RAB1A: variants seen among roughly 807,000 people sequenced by gnomAD.
RAB1A encodes ras-related protein Rab-1A.
In RAB1A, 2 loss-of-function variants were observed where a neutral mutation model predicts 26.0. The ratio of observed to expected loss-of-function variants is 0.08; its 90% confidence interval spans 0.03 to 0.24. The LOEUF is 0.24. RAB1A is among the 10% of genes least tolerant of loss of function. The pLI is 1.00. For missense variants in RAB1A, 100 were observed against 247.0 expected (o/e 0.40, Z 3.99); for synonymous variants, 84 against 84.9 (o/e 0.99, Z 0.06).
intron 1 of RAB1A, among the ~76,000 whole-genome samples, chr2:65,127,223 A>G (rs1040323896): frequency 7.2e-5 from 11 of 152,150 alleles, no homozygotes; most frequent in African/African-American, 2.7e-4. Flanking sequence ...GTCATTTATG[A>G]GCCATTCCTC....
At chr2:65,127,900 A>AT (rs1670138407) in intron 1 of RAB1A, among the ~76,000 whole-genome samples, 1 of 151,760 alleles carries the variant, frequency 6.6e-6, no homozygotes. Flanking sequence ...CGCCCGGCTA[A>AT]TTTTTTTGCA....
At chr2:65,103,298 T>TAAAAAAAAAAAA (rs1453771514) in intron 2 of RAB1A, among the ~76,000 whole-genome samples, 2 of 6,702 alleles carry the variant, frequency 3.0e-4, no homozygotes, top group African/African-American at 1.2e-3. Context: ...AGAATCTGTC[T>TAAAAAAAAAAAA]CAAAAAAAAA....
intron 1 of RAB1A, chr2:65,105,393 T>G (rs2103849892): frequency 6.0e-6 from 1 of 167,434 alleles, no homozygotes; most frequent in East Asian, 1.9e-4. Flanking sequence ...TAATCCCAGC[T>G]ACCTGGTAGG....
chr2:65,103,166 A>G (rs576660879), intron 2 of RAB1A, among the ~76,000 whole-genome samples: 2 of 151,648 alleles, frequency 1.3e-5, no homozygotes, highest in East Asian at 3.9e-4. Flanking sequence ...AAAATACAAA[A>G]ATCAGCCAGG....
intron 2 of RAB1A, among the ~76,000 whole-genome samples, chr2:65,100,393 T>C (rs551528179): frequency 1.6e-4 from 21 of 128,158 alleles, no homozygotes; most frequent in African/African-American, 6.5e-4. Flanking sequence ...AAGGCATGTC[T>C]CTGTCTCAAA....
At chr2:65,115,754 A>T (rs184239363) in intron 1 of RAB1A, among the ~76,000 whole-genome samples, 3 of 152,306 alleles carry the variant, frequency 2.0e-5, no homozygotes, top group Admixed American at 2.0e-4. Flanking sequence ...CTTAAAAAAA[A>T]TTGTTCCCAT....
intron 3 of RAB1A, among the ~76,000 whole-genome samples, chr2:65,092,866 C>T (rs954352090): frequency 2.6e-4 from 39 of 152,094 alleles, no homozygotes; most frequent in African/African-American, 8.9e-4. Flanking sequence ...CGACGGTTTC[C>T]CCCATTCAAG....
At chr2:65,114,597 ACTTT>A (rs1265071034) in intron 1 of RAB1A, among the ~76,000 whole-genome samples, 36 of 151,684 alleles carry the variant, frequency 2.4e-4, no homozygotes, top group Non-Finnish European at 7.4e-5. Context: ...TAATCCCAGC[ACTTT>A]GGGAGGCCGA....
In RAB1A at chr2:65,104,773, G is replaced by A; in HGVS notation, c.57C>T (p.Asp19=). Residue 19 remains aspartate, a synonymous_variant, in exon 2 of 6, where the codon GAC becomes GAT. Coordinates refer to ENST00000409784, the MANE Select transcript of RAB1A (RefSeq NM_004161.5). ...GAAGGCAAGACTTTCCAACCCCTGA[G>A]TCGCCAATCAGAAGTAACTTGAATA... The part of the protein sequence containing the change: ...DYLFKLLLIG[D]SGVGKSCLLL... 1 of 1,605,942 alleles carries A rather than the reference G, an allele frequency of 6.2e-7. No homozygotes were observed. The highest frequency in any genetic ancestry group is 2.2e-5 in the East Asian group (1 of 44,714).
intron 1 of RAB1A, among the ~76,000 whole-genome samples, chr2:65,120,295 T>C (rs994278501): frequency 3.3e-5 from 5 of 151,440 alleles, no homozygotes; most frequent in Admixed American, 3.3e-4. Flanking sequence ...GTCTTTACTA[T>C]AAATACAAAA....
At chr2:65,114,779 A>G (rs1282707843) in intron 1 of RAB1A, among the ~76,000 whole-genome samples, 2 of 151,614 alleles carry the variant, frequency 1.3e-5, no homozygotes, top group African/African-American at 4.8e-5. Flanking sequence ...CGGGAGGCGG[A>G]GCTTGCAGTG....
At chr2:65,095,989 T>C (rs1669274173) in intron 3 of RAB1A, among the ~76,000 whole-genome samples, 1 of 151,766 alleles carries the variant, frequency 6.6e-6, no homozygotes, top group Non-Finnish European at 1.5e-5. Flanking sequence ...CTGTCTCTAC[T>C]AAAAATACAA....
Position 65,097,957 on chromosome 2 carries a change from G to A in RAB1A, c.192+14C>T, listed in dbSNP as rs963174752. ...AAAATAAATTTCAAAAAAATTACTAGCCAAGTCACTTACTATTTGAAGCTT... is the reference window on the plus strand; with the variant it reads ...AAAATAAATTTCAAAAAAATTACTAACCAAGTCACTTACTATTTGAAGCTT... On this transcript the variant is annotated intron_variant, in intron 3 of 5. Coordinates refer to ENST00000409784, the MANE Select transcript of RAB1A (RefSeq NM_004161.5). The A allele has an allele frequency of 3.5e-6, 5 of 1,441,406 alleles. No homozygotes were observed. Among genetic ancestry groups the A allele is most frequent in the Non-Finnish European group, 4.7e-6 (5 of 1,059,262 alleles). 89.3% of individuals were successfully genotyped at this position (1,441,406 alleles called of 1,614,324 possible). A position where few individuals can be genotyped will look rare whatever the true frequency, so the allele number is the denominator to read the frequency against.
chr2:65,115,524 C>G (rs1480195015), intron 1 of RAB1A, among the ~76,000 whole-genome samples: 1 of 152,134 alleles, frequency 6.6e-6, no homozygotes, highest in African/African-American at 2.4e-5. Context: ...TTAGTTAGTT[C>G]ATATGCTTCT....
intron 4 of RAB1A, 92 bp downstream of exon 4, chr2:65,090,891 G>A (rs1182104016): frequency 1.2e-5 from 9 of 725,810 alleles, no homozygotes; most frequent in Non-Finnish European, 1.7e-5. Context: ...TAATACTGAT[G>A]GCTTATATAT....
intron 1 of RAB1A, among the ~76,000 whole-genome samples, chr2:65,116,293 G>A (rs771993134): frequency 4.3e-4 from 66 of 152,174 alleles, no homozygotes; most frequent in Non-Finnish European, 7.5e-4. Context: ...ATGCATACAA[G>A]TATTTGCTGA....
chr2:65,120,834 C>G (rs536831269), intron 1 of RAB1A, among the ~76,000 whole-genome samples: 1 of 152,060 alleles, frequency 6.6e-6, no homozygotes, highest in African/African-American at 2.4e-5. Context: ...TATTATTATA[C>G]AAAGGAAATA....
At chr2:65,110,964 AAG>A (rs914164522) in intron 1 of RAB1A, among the ~76,000 whole-genome samples, 4 of 152,048 alleles carry the variant, frequency 2.6e-5, no homozygotes, top group South Asian at 2.1e-4. Flanking sequence ...AAAAAAGAAA[AAG>A]AAAAAATAAT....
Position 65,088,923 on chromosome 2 carries a change from T to C in RAB1A, c.420+16A>G, listed in dbSNP as rs775912737. On this transcript the variant is annotated intron_variant, in intron 5 of 5. Transcript: ENST00000409784. ...ACACCTTCAAATTCAGTATGAAAATTAAACTTTAAACATACCTTCGCTGTT... is the reference window on the plus strand; with the variant it reads ...ACACCTTCAAATTCAGTATGAAAATCAAACTTTAAACATACCTTCGCTGTT... 3.6e-5 allele frequency: 57 copies of C among 1,586,898 alleles called. No individual in the cohort carries two copies. Among genetic ancestry groups the C allele is most frequent in the Non-Finnish European group, 1.1e-5 (13 of 1,165,494 alleles).
Sources: allele counts gnomAD v4.1 joint callset (sites outside exome capture counted in the v4.1 genomes callset), GRCh38; gene constraint gnomAD v4.1.1; transcripts MANE v1.5; gene names NCBI Gene and HGNC (gene_info 2026-07-23, HGNC 2026-07-21).